PPIL3: variants seen among roughly 807,000 people sequenced by gnomAD.
PPIL3 encodes the protein peptidyl-prolyl cis-trans isomerase-like 3.
PPIL3 carries 13 observed loss-of-function variants against 20.9 expected under a neutral mutation model. The ratio of observed to expected loss-of-function variants is 0.62; its 90% CI spans 0.40 to 0.99. The LOEUF (loss-of-function observed/expected upper bound fraction) is 0.99. PPIL3 is among the 50% of genes least tolerant of loss of function. The pLI is 0.00. For synonymous variants in PPIL3, 71 were observed against 64.4 expected (o/e 1.10, Z -0.49); for missense variants, 170 against 195.2 (o/e 0.87, Z 0.77).
chr2:200,885,762 A>G lies in PPIL3; in HGVS notation c.14T>C (p.Leu5Pro), dbSNP rs759158572. MSVT[L>P]HTDVGDIKIE... is the part of the protein sequence containing the mutation. ...TTTAATATCACCTACATCTGTATGC[A>G]GTGTCACAGACTAAAAAGGAGAGAA... The change falls in exon 3 of 7, where the codon CTG (leucine) becomes CCG (proline). Residue 5 changes from leucine to proline, a missense_variant. Coordinates refer to ENST00000392283, the MANE Select transcript of PPIL3 (RefSeq NM_130906.3). 4 of 1,585,322 alleles carry G rather than the reference A, an allele frequency of 2.5e-6. No individual in the cohort carries two copies. The Admixed American group carries it at 7.0e-5, about 28-fold the overall frequency.
At chr2:200,888,426 G>A (rs1272717013) in intron 1 of PPIL3, 1 of 146,536 alleles carries the variant, frequency 6.8e-6, no homozygotes, top group African/African-American at 2.6e-5. Flanking sequence ...TATGAAATTC[G>A]CTTTTTTTTT....
intron 5 of PPIL3, among the ~76,000 whole-genome samples, chr2:200,880,656 G>T (rs2039691742): frequency 6.6e-6 from 1 of 151,948 alleles, no homozygotes. Flanking sequence ...AAAGTGCTGG[G>T]ATTACTGTAC....
At chr2:200,884,555 T>C (rs1354547525) in intron 3 of PPIL3, among the ~76,000 whole-genome samples, 4 of 151,430 alleles carry the variant, frequency 2.6e-5, no homozygotes, top group Admixed American at 1.3e-4. Context: ...TTGGGCAACA[T>C]AGTGAGATCT....
At chr2:200,881,029 G>C (rs977168537) in intron 5 of PPIL3, among the ~76,000 whole-genome samples, 2 of 152,120 alleles carry the variant, frequency 1.3e-5, no homozygotes, top group Non-Finnish European at 2.9e-5. Flanking sequence ...TAAAAGCTGG[G>C]TACTGATAAT....
intron 5 of PPIL3, among the ~76,000 whole-genome samples, chr2:200,880,671 C>A (rs1355572706): frequency 6.6e-6 from 1 of 151,958 alleles, no homozygotes; most frequent in African/African-American, 2.4e-5. Context: ...CTGTACCCGG[C>A]CCTGGTTGAG....
rs2039304103 is a variant in PPIL3, at chr2:200,871,502, T to C, written c.379A>G (p.Thr127Ala). 1 of 1,612,696 alleles carries C rather than the reference T, an allele frequency of 6.2e-7. No homozygotes were observed. The highest frequency in any genetic ancestry group is 1.1e-5 in the South Asian group (1 of 90,960). ...VFGKVIDGLE[T>A]LDELEKLPVN... ...GGCAACTTCTCCAACTCATCTAGAGTTTCCAGACCATCTATTACCCTGAAA... is the reference window on the plus strand; with the variant it reads ...GGCAACTTCTCCAACTCATCTAGAGCTTCCAGACCATCTATTACCCTGAAA... Residue 127 changes from threonine to alanine, a missense_variant, in exon 7 of 7, where the codon ACT becomes GCT. Physicochemically the swap from Thr to Ala is moderately conservative, Grantham distance 58. Coordinates refer to ENST00000392283, the MANE Select transcript of PPIL3 (RefSeq NM_130906.3).
At position 200,877,034 on chromosome 2, in the gene PPIL3, T is replaced by G. The variant is rs2039547880; in HGVS notation, c.244A>C (p.Asn82His). The G allele has an allele frequency of 6.3e-7, 1 of 1,592,126 alleles. No homozygotes were observed. The highest frequency in any genetic ancestry group is 8.6e-7 in the Non-Finnish European group (1 of 1,160,264). The change falls in exon 6 of 7, where the codon AAT (asparagine) becomes CAT (histidine). Residue 82 changes from asparagine (N) to histidine (H), a missense_variant. By Grantham distance (68) the Asn-to-His change is moderately conservative. Transcript: ENST00000392283. ...EDEYSEYLKH[N>H]VRGVVSMANN... The stretch of plus-strand genomic sequence containing the variant: ...GCCATAGATACAACACCTCTAACAT[T>G]GTGCTGAAAAAGACACATCAAAGTA...
chr2:200,871,473 T>C lies in PPIL3; in HGVS notation c.408A>G (p.Val136=), dbSNP rs948120606. ...TAAGAGGTCGGTATGTCTTCTCATT[T>C]ACTGGCAACTTCTCCAACTCATCTA... The part of the protein sequence containing the change: ...ETLDELEKLP[V]NEKTYRPLND... The change falls in exon 7 of 7, where the codon GTA becomes GTG. Residue 136 remains valine (V), a synonymous_variant. Coordinates refer to ENST00000392283, the MANE Select transcript of PPIL3 (RefSeq NM_130906.3). The C allele has an allele frequency of 1.1e-5, 18 of 1,611,714 alleles. No individual in the cohort carries two copies. In the African/African-American group the frequency reaches 1.9e-4, roughly 17 times the overall value.
chr2:200,882,360 G>T lies in PPIL3; in HGVS notation c.154C>A (p.Gln52Lys). 6.3e-7 allele frequency: 1 copy of T among 1,599,250 alleles called. No individual in the cohort carries two copies. Among genetic ancestry groups the T allele is most frequent in the South Asian group, 1.1e-5 (1 of 90,788 alleles). The change falls in exon 4 of 7, where the codon CAA becomes AAA. Residue 52 changes from glutamine (Q) to lysine (K), a missense_variant. Transcript: ENST00000392283. ...FHRNIKGFMV[Q>K]TGDPTGTGRG... ...AACTTACCTGTTGGATCTCCTGTTTGAACCATGAAACCCTTGATATTCCTA... is the reference window on the plus strand; with the variant it reads ...AACTTACCTGTTGGATCTCCTGTTTTAACCATGAAACCCTTGATATTCCTA...
intron 5 of PPIL3, among the ~76,000 whole-genome samples, chr2:200,879,690 T>G (rs1293508995): frequency 3.9e-5 from 6 of 152,048 alleles, no homozygotes; most frequent in Non-Finnish European, 5.9e-5. Flanking sequence ...AGAAATTAGC[T>G]GGGCACGGTG....
intron 1 of PPIL3, among the ~76,000 whole-genome samples, chr2:200,888,043 C>T (rs1210072981): frequency 1.5e-5 from 2 of 131,688 alleles, no homozygotes; most frequent in Admixed American, 7.9e-5. Context: ...GGTGACAGCG[C>T]GAGACTCCGT....
chr2:200,877,026 T>G lies in PPIL3; in HGVS notation c.252A>C (p.Arg84Ser). 2 of 1,601,796 alleles carry G rather than the reference T, an allele frequency of 1.2e-6. No individual in the cohort carries two copies. The highest frequency in any genetic ancestry group is 1.7e-6 in the Non-Finnish European group (2 of 1,168,778). Residue 84 changes from arginine (R) to serine (S), a missense_variant, in exon 6 of 7, where the codon AGA becomes AGC. By Grantham distance (110) the Arg-to-Ser change is moderately radical. Transcript: ENST00000392283. ...CATTATTAGCCATAGATACAACACC[T>G]CTAACATTGTGCTGAAAAAGACACA... The part of the protein sequence containing the change: ...EYSEYLKHNV[R>S]GVVSMANNGP...
At chr2:200,885,440 T>C in intron 3 of PPIL3, 1 of 394,978 alleles carries the variant, frequency 2.5e-6, no homozygotes, top group Non-Finnish European at 4.4e-6. Flanking sequence ...AATGATTACG[T>C]TTCCTGAAGA....
chr2:200,878,441 G>C (rs2039601051), intron 5 of PPIL3, among the ~76,000 whole-genome samples: 1 of 147,828 alleles, frequency 6.8e-6, no homozygotes, highest in South Asian at 2.1e-4. Context: ...CCAGGTTAGA[G>C]TGCAGTGGTG....
chr2:200,877,146 G>A, intron 5 of PPIL3, 109 bp from the exon 6 acceptor site: 1 of 740,442 alleles, frequency 1.4e-6, no homozygotes, highest in Non-Finnish European at 2.3e-6. Context: ...AATATTTTGA[G>A]ATTGGGGTCT....
At chr2:200,875,299 C>T (rs542669699) in intron 6 of PPIL3, among the ~76,000 whole-genome samples, 7 of 151,832 alleles carry the variant, frequency 4.6e-5, no homozygotes, top group East Asian at 3.9e-4. Flanking sequence ...GACGGAGTCT[C>T]GCTTTGTCAC....
intron 3 of PPIL3, chr2:200,885,319 C>G: frequency 2.8e-6 from 1 of 356,648 alleles, no homozygotes. Context: ...TGCAGTGAGC[C>G]GAGATCGCGC....
At chr2:200,884,295 G>A (rs529848198) in intron 3 of PPIL3, among the ~76,000 whole-genome samples, 4 of 152,134 alleles carry the variant, frequency 2.6e-5, no homozygotes, top group African/African-American at 9.7e-5. Flanking sequence ...CCAGCTACTT[G>A]GGAGGCTGAG....
chr2:200,885,936 TG>T (rs2039924176), intron 2 of PPIL3, among the ~76,000 whole-genome samples, 164 bp from the exon 3 acceptor site: 1 of 152,246 alleles, frequency 6.6e-6, no homozygotes, highest in Non-Finnish European at 1.5e-5. Context: ...GAGGTTAAGT[TG>T]TACTTTTTTC....
Sources: gnomAD v4.1 joint callset for allele counts (sites outside exome capture counted in the v4.1 genomes callset) on GRCh38, gnomAD v4.1.1 for gene constraint, MANE v1.5 for transcripts, NCBI Gene and HGNC (gene_info 2026-07-23, HGNC 2026-07-21) for gene names.